Variants in ARID2 observed in about 807,000 individuals in gnomAD.
ARID2 encodes AT-rich interaction domain 2.
In ARID2, 32 loss-of-function variants were observed where a neutral mutation model predicts 184.6. The observed-to-expected ratio is 0.17, with a 90% CI of 0.13 to 0.23. The LOEUF is 0.23. Ranked by LOEUF, ARID2 falls within the 10% of genes least tolerant of loss-of-function variation. The probability of loss-of-function intolerance (pLI) is 1.00; values close to 1 mark genes in which losing one functional copy is unlikely to be tolerated. For missense variants in ARID2, 1,696 were observed against 2,197.6 expected (o/e 0.77, Z 4.56); for synonymous variants, 836 against 772.6 (o/e 1.08, Z -1.36).
intron 3 of ARID2, among the ~76,000 whole-genome samples, chr12:45,774,256 A>T (rs1941934087): frequency 6.6e-6 from 1 of 152,188 alleles, no homozygotes. Flanking sequence ...AATTACTTAT[A>T]TTCAGGTTTT....
intron 3 of ARID2, among the ~76,000 whole-genome samples, chr12:45,775,798 C>T (rs930253951): frequency 6.6e-6 from 1 of 152,166 alleles, no homozygotes; most frequent in African/African-American, 2.4e-5. Context: ...CTAATCTTTT[C>T]ATTTTATAAG....
chr12:45,734,471 ACATCT>A (rs1941069756), intron 3 of ARID2, among the ~76,000 whole-genome samples: 1 of 152,140 alleles, frequency 6.6e-6, no homozygotes, highest in South Asian at 2.1e-4. Context: ...CTTGGCATGT[ACATCT>A]CAATGTGTTC....
chr12:45,844,621 G>C (rs1943409825), intron 11 of ARID2, among the ~76,000 whole-genome samples: 1 of 152,098 alleles, frequency 6.6e-6, no homozygotes, highest in Non-Finnish European at 1.5e-5. Flanking sequence ...AGTGTTCCAC[G>C]TTACACTATA....
At chr12:45,829,264 G>A (rs1215180646) in intron 6 of ARID2, among the ~76,000 whole-genome samples, 1 of 152,006 alleles carries the variant, frequency 6.6e-6, no homozygotes, top group Non-Finnish European at 1.5e-5. Context: ...GGGCTTGAAA[G>A]TACCAGATTT....
At chr12:45,840,499 A>G (rs1195020511) in intron 11 of ARID2, 1 of 152,084 alleles carries the variant, frequency 6.6e-6, no homozygotes, top group Non-Finnish European at 1.5e-5. Context: ...CCATGTTCCC[A>G]TATCTTAAAT....
At chr12:45,794,345 T>C (rs551680357) in intron 3 of ARID2, among the ~76,000 whole-genome samples, 1 of 152,362 alleles carries the variant, frequency 6.6e-6, no homozygotes, top group Admixed American at 6.5e-5. Context: ...TTTTTCTTGT[T>C]ATTAATTTTC....
At chr12:45,803,908 G>GTTTC (rs1942552854) in intron 3 of ARID2, among the ~76,000 whole-genome samples, 2 of 152,236 alleles carry the variant, frequency 1.3e-5, no homozygotes, top group Admixed American at 1.3e-4. Context: ...ATGAGTAAAG[G>GTTTC]TTCCACTTGT....
intron 3 of ARID2, among the ~76,000 whole-genome samples, chr12:45,766,523 AT>A (rs1326133100): frequency 7.4e-6 from 1 of 135,004 alleles, no homozygotes; most frequent in Non-Finnish European, 1.6e-5. Context: ...TTATTTATTT[AT>A]TTATTTTGAG....
chr12:45,778,309 A>T (rs1942027386), intron 3 of ARID2, among the ~76,000 whole-genome samples: 1 of 152,194 alleles, frequency 6.6e-6, no homozygotes, highest in African/African-American at 2.4e-5. Flanking sequence ...GAGTAGAGGT[A>T]ACCTCTTATG....
At chr12:45,784,454 G>C (rs1056347547) in intron 3 of ARID2, among the ~76,000 whole-genome samples, 2 of 152,110 alleles carry the variant, frequency 1.3e-5, no homozygotes, top group Non-Finnish European at 2.9e-5. Context: ...ACCTATATAA[G>C]AAAAACTTAA....
Position 45,851,781 on chromosome 12 carries a change from A to G in ARID2, c.3658A>G (p.Thr1220Ala), listed in dbSNP as rs766909497. 1.2e-6 allele frequency: 2 copies of G among 1,613,962 alleles called. No individual in the cohort carries two copies. The highest frequency in any genetic ancestry group is 2.7e-5 in the African/African-American group (2 of 74,922). ...VGLPVQTLPA[T>A]QASPAGQSSC... ...ACTTCCAGTACAAACGCTTCCAGCC[A>G]CTCAAGCATCTCCTGCTGGACAATC... The change falls in exon 15 of 21, where the codon ACT becomes GCT. Residue 1220 changes from threonine to alanine, a missense_variant. Around this residue, in one of 11 missense-constraint regions of ARID2, gnomAD observed 428 missense variants for 409.1 expected, o/e 1.05. Transcript: ENST00000334344.
At chr12:45,753,400 A>G (rs1043560922) in intron 3 of ARID2, among the ~76,000 whole-genome samples, 10 of 152,118 alleles carry the variant, frequency 6.6e-5, no homozygotes, top group African/African-American at 1.9e-4. Flanking sequence ...CACCTTCTCC[A>G]TTCAGTCAGT....
At chr12:45,796,213 C>T (rs2138061401) in intron 3 of ARID2, among the ~76,000 whole-genome samples, 1 of 152,038 alleles carries the variant, frequency 6.6e-6, no homozygotes, top group Admixed American at 6.5e-5. Flanking sequence ...CATATATTCA[C>T]TTACAAATAT....
chr12:45,894,324 C>T (rs1944340274), intron 20 of ARID2, among the ~76,000 whole-genome samples: 1 of 152,148 alleles, frequency 6.6e-6, no homozygotes, highest in Non-Finnish European at 1.5e-5. Context: ...TTCAATTGAC[C>T]AGTCTTGGGC....
chr12:45,770,793 G>T (rs181849134), intron 3 of ARID2, among the ~76,000 whole-genome samples: 38 of 152,274 alleles, frequency 2.5e-4, no homozygotes, highest in Non-Finnish European at 7.4e-5. Flanking sequence ...GAAAGAGTAG[G>T]TGTATGTAAA....
intron 6 of ARID2, among the ~76,000 whole-genome samples, chr12:45,836,010 A>T (rs1943215058): frequency 1.3e-5 from 2 of 152,092 alleles, no homozygotes. Flanking sequence ...GATTTCTTTC[A>T]CAGTCCCTTT....
chr12:45,897,245 T>G (rs1473699788), intron 20 of ARID2, among the ~76,000 whole-genome samples: 1 of 152,210 alleles, frequency 6.6e-6, no homozygotes, highest in Non-Finnish European at 1.5e-5. Flanking sequence ...AACAATGAAG[T>G]TGGACACTTA....
chr12:45,729,799 C>A lies in ARID2; in HGVS notation c.-38C>A. 3.8e-6 allele frequency: 6 copies of A among 1,559,172 alleles called. No individual in the cohort carries two copies. The highest frequency in any genetic ancestry group is 4.4e-6 in the Non-Finnish European group (5 of 1,149,132). On this transcript the variant is annotated 5_prime_UTR_variant, in exon 1 of 21. Transcript: ENST00000334344. ...GGGAGCGGGGGGCGCTTTTAAAACA[C>A]CGATCTGGGTTTTTTAAAAACCTCC...
At chr12:45,806,930 C>T (rs1032986008) in intron 3 of ARID2, among the ~76,000 whole-genome samples, 1 of 152,200 alleles carries the variant, frequency 6.6e-6, no homozygotes, top group African/African-American at 2.4e-5. Flanking sequence ...ACTATTTCAA[C>T]CCAACTTTCA....
Sources: gnomAD v4.1 joint callset for allele counts (sites outside exome capture counted in the v4.1 genomes callset) on GRCh38, gnomAD v4.1.1 for gene constraint, gnomAD v4.1.1 regional missense constraint, MANE v1.5 for transcripts, NCBI Gene and HGNC (gene_info 2026-07-23, HGNC 2026-07-21) for gene names.